Variants in ZBTB20 observed in about 807,000 individuals in gnomAD.
The protein encoded by ZBTB20 is zinc finger and BTB domain containing 20.
ZBTB20 carries 9 observed loss-of-function variants against 56.9 expected under a neutral mutation model. The observed-to-expected ratio is 0.16, with a 90% CI of 0.10 to 0.28. The LOEUF is 0.28. ZBTB20 is among the 10% of genes least tolerant of loss of function. The pLI, the probability that ZBTB20 is intolerant of heterozygous loss-of-function variation, is 1.00. For synonymous variants in ZBTB20, 417 were observed against 420.7 expected, an observed-to-expected ratio of 0.99 and a Z score of 0.11; for missense variants, 655 against 1,003.0, an observed-to-expected ratio of 0.65 and a Z score of 4.69.
chr3:114,501,661 C>A (rs1284476952), intron 6 of ZBTB20, among the ~76,000 whole-genome samples: 2 of 138,882 alleles, frequency 1.4e-5, no homozygotes, highest in Non-Finnish European at 3.1e-5. Context: ...AAAAAAAAAA[C>A]TATTATAGGA....
chr3:114,790,706 C>T (rs1384521290), intron 5 of ZBTB20, among the ~76,000 whole-genome samples: 1 of 151,460 alleles, frequency 6.6e-6, no homozygotes, highest in African/African-American at 2.4e-5. Flanking sequence ...GAAAGAAAAT[C>T]AGTGAGGTAC....
chr3:114,825,814 T>C (rs1292199443), intron 4 of ZBTB20, among the ~76,000 whole-genome samples: 4 of 151,850 alleles, frequency 2.6e-5, no homozygotes, highest in Non-Finnish European at 5.9e-5. Context: ...TAAGGAAATG[T>C]GACCTATCAC....
intron 1 of ZBTB20, among the ~76,000 whole-genome samples, chr3:115,112,328 A>G (rs1043918586): frequency 6.6e-5 from 10 of 151,024 alleles, no homozygotes; most frequent in African/African-American, 2.4e-4. Flanking sequence ...TTTTTTGAGT[A>G]CTCTCTTCTA....
chr3:114,385,115 GGTAA>G (rs1037206338), intron 8 of ZBTB20, among the ~76,000 whole-genome samples: 4 of 151,984 alleles, frequency 2.6e-5, no homozygotes, highest in African/African-American at 9.7e-5. Context: ...TTTCCTATCT[GGTAA>G]GTAATGTGCC....
chr3:114,921,761 G>A (rs996566029), intron 3 of ZBTB20, among the ~76,000 whole-genome samples: 10 of 151,562 alleles, frequency 6.6e-5, no homozygotes, highest in South Asian at 4.2e-4. Context: ...TATACCTAAT[G>A]TAAATGATGA....
chr3:114,541,992 T>A (rs1209531715), intron 6 of ZBTB20, among the ~76,000 whole-genome samples: 1 of 152,194 alleles, frequency 6.6e-6, no homozygotes, highest in East Asian at 1.9e-4. Context: ...GAATGAGTAA[T>A]CATAATTTAA....
At chr3:115,004,904 T>C (rs2079401897) in intron 2 of ZBTB20, among the ~76,000 whole-genome samples, 1 of 151,774 alleles carries the variant, frequency 6.6e-6, no homozygotes, top group Non-Finnish European at 1.5e-5. Flanking sequence ...GTAAGTTCAT[T>C]TATATACAGT....
At chr3:114,443,631 G>T (rs1338200698) in intron 7 of ZBTB20, among the ~76,000 whole-genome samples, 1 of 152,118 alleles carries the variant, frequency 6.6e-6, no homozygotes, top group African/African-American at 2.4e-5. Flanking sequence ...TGTGTTCATT[G>T]CATGAGAAGA....
At chr3:114,356,292 G>A (rs948666870) in intron 10 of ZBTB20, 5 of 152,172 alleles carry the variant, frequency 3.3e-5, no homozygotes, top group African/African-American at 1.2e-4. Flanking sequence ...GGGGTCCAGG[G>A]ATAGGACTTA....
rs370223340 is a variant in ZBTB20 at position 114,342,881 on chromosome 3, G to A, written c.1805-3455C>T. Reference sequence around the variant, plus strand: ...CGTCTACTCTCTCAATTACATATGCGAATGGCAAGAAGTGGTATATGGATA... The same window carrying A: ...CGTCTACTCTCTCAATTACATATGCAAATGGCAAGAAGTGGTATATGGATA... On this transcript the variant is annotated intron_variant, in intron 11 of 11. Coordinates refer to ENST00000675478, the MANE Select transcript of ZBTB20 (RefSeq NM_001348800.3). Among the ~76,000 whole-genome samples, 52 of 152,220 alleles carry A rather than the reference G, an allele frequency of 3.4e-4. 1 individual carries two copies. The highest frequency in any genetic ancestry group is 1.1e-3 in the African/African-American group (45 of 41,518).
chr3:115,147,077 C>T (rs1410191014), intron 1 of ZBTB20, 142 bp downstream of exon 1: 1 of 147,402 alleles, frequency 6.8e-6, no homozygotes, highest in Non-Finnish European at 1.5e-5. Flanking sequence ...ACTCGCTCCC[C>T]CAACCCCACC....
intron 4 of ZBTB20, among the ~76,000 whole-genome samples, chr3:114,859,577 T>G (rs942037983): frequency 1.1e-4 from 16 of 146,854 alleles, no homozygotes; most frequent in African/African-American, 3.8e-4. Flanking sequence ...ATGGCGTTTT[T>G]TTTTTTTTTT....
At chr3:114,576,333 A>G (rs1006975773) in intron 6 of ZBTB20, among the ~76,000 whole-genome samples, 14 of 151,692 alleles carry the variant, frequency 9.2e-5, no homozygotes, top group African/African-American at 3.4e-4. Context: ...CCCCGTCTCT[A>G]CTAAAAATAC....
intron 6 of ZBTB20, among the ~76,000 whole-genome samples, chr3:114,544,449 CTTTCT>C (rs1559938105): frequency 9.4e-6 from 1 of 106,828 alleles, no homozygotes; most frequent in African/African-American, 4.0e-5. Flanking sequence ...TTCTTTCTTT[CTTTCT>C]TTCTTTCTTT....
intron 1 of ZBTB20, among the ~76,000 whole-genome samples, chr3:115,099,290 T>C (rs996178808): frequency 1.3e-5 from 2 of 152,140 alleles, no homozygotes; most frequent in African/African-American, 2.4e-5. Flanking sequence ...ATACACTTCA[T>C]AGCTTCCACT....
At chr3:114,850,720 A>G (rs9845450) in intron 4 of ZBTB20, among the ~76,000 whole-genome samples, 123,280 of 152,146 alleles carry the variant, frequency 0.81, 53,121 homozygotes, top group East Asian at 0.99. Context: ...CTCTTTCTGA[A>G]GCTTGTGTTC....
At chr3:115,078,802 C>A (rs999881977) in intron 1 of ZBTB20, among the ~76,000 whole-genome samples, 6 of 151,984 alleles carry the variant, frequency 3.9e-5, no homozygotes, top group African/African-American at 1.4e-4. Flanking sequence ...TTATGTTAAT[C>A]ATCTCACCTG....
intron 5 of ZBTB20, among the ~76,000 whole-genome samples, chr3:114,712,893 G>A (rs535521033): frequency 3.3e-5 from 5 of 152,240 alleles, no homozygotes; most frequent in African/African-American, 9.6e-5. Context: ...GAGCTTTTCC[G>A]TGTTCAAACA....
rs563045923 is a variant in ZBTB20, at chr3:114,335,796, C to A, written c.*3209G>T. 6.6e-6 allele frequency: 1 copy of A among 152,262 alleles called. No homozygotes were observed. The highest frequency in any genetic ancestry group is 1.9e-4 in the East Asian group (1 of 5,180). 9.4% of individuals were successfully genotyped at this position (152,262 alleles called of 1,614,324 possible). ...TCATTAAGAATTCTTTAGGGATCCT[C>A]CACCTCCTCCCCCACTCCCTTTTTT... On this transcript the variant is annotated 3_prime_UTR_variant, in exon 12 of 12. Coordinates refer to ENST00000675478, the MANE Select transcript of ZBTB20 (RefSeq NM_001348800.3).
Sources: gnomAD v4.1 joint callset for allele counts (sites outside exome capture counted in the v4.1 genomes callset) on GRCh38, gnomAD v4.1.1 for gene constraint, MANE v1.5 for transcripts, NCBI Gene and HGNC (gene_info 2026-07-23, HGNC 2026-07-21) for gene names.